The following MAPRE1 variants were observed in gnomAD, a reference collection of about 807,000 sequenced individuals.
The protein encoded by MAPRE1 is microtubule-associated protein RP/EB family member 1.
Under a neutral mutation model 32.1 loss-of-function variants are expected in MAPRE1, and 5 were observed. That is an observed-to-expected ratio of 0.16 (90% CI 0.08 to 0.33). MAPRE1 has a LOEUF of 0.33. Ranked by LOEUF, MAPRE1 falls within the 10% of genes least tolerant of loss-of-function variation. MAPRE1 has a pLI of 1.00. For synonymous variants in MAPRE1, 122 were observed against 118.9 expected (o/e 1.03, Z -0.17); for missense variants, 209 against 327.2 (o/e 0.64, Z 2.79).
At chr20:32,835,172 C>G (rs545798361) in intron 3 of MAPRE1, among the ~76,000 whole-genome samples, 4 of 152,216 alleles carry the variant, frequency 2.6e-5, no homozygotes, top group Admixed American at 2.0e-4. Flanking sequence ...CAGCAGTGAG[C>G]TATGATTGCA....
intron 5 of MAPRE1, among the ~76,000 whole-genome samples, chr20:32,841,310 G>A (rs1983353167): frequency 6.6e-6 from 1 of 152,156 alleles, no homozygotes; most frequent in African/African-American, 2.4e-5. Flanking sequence ...TCAAGACATG[G>A]ATTTCAAACA....
chr20:32,832,466 C>CTTT (rs34257028), intron 2 of MAPRE1, among the ~76,000 whole-genome samples: 3 of 130,668 alleles, frequency 2.3e-5, no homozygotes, highest in Non-Finnish European at 3.3e-5. Context: ...ACAGTAGTCT[C>CTTT]TTTTTTTTTT....
intron 2 of MAPRE1, among the ~76,000 whole-genome samples, chr20:32,831,947 C>CAAA (rs58685497): frequency 1.8e-5 from 2 of 111,606 alleles, no homozygotes; most frequent in African/African-American, 3.0e-5. Context: ...TCGTCCGTTT[C>CAAA]AAAAAAAAAA....
At chr20:32,827,330 C>T (rs774147109) in intron 2 of MAPRE1, among the ~76,000 whole-genome samples, 69 of 152,102 alleles carry the variant, frequency 4.5e-4, no homozygotes, top group Non-Finnish European at 8.1e-4. Flanking sequence ...AACGCTTGAG[C>T]CCGGGAGGTG....
intron 1 of MAPRE1, among the ~76,000 whole-genome samples, chr20:32,821,716 CCCCACTTTACATAGGGCTTATTG>C: frequency 6.6e-6 from 1 of 152,294 alleles, no homozygotes; most frequent in South Asian, 2.1e-4. Flanking sequence ...CACCTCCTTC[CCCCACTTTACATAGGGCTTATTG>C]TGGTGCCTTG....
Position 32,848,829 on chromosome 20 carries a change from C to A in MAPRE1, c.*101C>A. The A allele has an allele frequency of 9.9e-7, 1 of 1,006,760 alleles. No homozygotes were observed. 62.4% of individuals were successfully genotyped at this position (1,006,760 alleles called of 1,614,324 possible). ...TTATCCTTAGAGGACTCACTGGTTT[C>A]TTTTCATAAGCAAAAAGTACCTCTT... On this transcript the variant is annotated 3_prime_UTR_variant, in exon 7 of 7. Coordinates refer to ENST00000375571, the MANE Select transcript of MAPRE1 (RefSeq NM_012325.3).
At chr20:32,832,146 C>G (rs142166439) in intron 2 of MAPRE1, among the ~76,000 whole-genome samples, 1 of 152,256 alleles carries the variant, frequency 6.6e-6, no homozygotes, top group East Asian at 1.9e-4. Flanking sequence ...ATGCTGGAAC[C>G]AGCAGAGAAC....
At chr20:32,837,582 A>C (rs1177000258) in intron 4 of MAPRE1, among the ~76,000 whole-genome samples, 1 of 152,196 alleles carries the variant, frequency 6.6e-6, no homozygotes. Context: ...AATATTAGTT[A>C]AGGTTTCATA....
chr20:32,839,590 C>T (rs910460313), intron 4 of MAPRE1, 145 bp from the exon 5 acceptor site: 1 of 1,090,086 alleles, frequency 9.2e-7, no homozygotes, highest in Non-Finnish European at 1.3e-6. Context: ...CGTTGTCTTG[C>T]ATGCGGGGGC....
chr20:32,847,774 A>G (rs1421607155), intron 6 of MAPRE1, among the ~76,000 whole-genome samples: 1 of 152,210 alleles, frequency 6.6e-6, no homozygotes, highest in Non-Finnish European at 1.5e-5. Context: ...GCAGAATAGT[A>G]TAGTAATTTC....
rs1192205197 is a variant in MAPRE1, at chr20:32,836,701, A to G, written c.335A>G (p.Lys112Arg). ...AATTTTGAATTCGTTCAGTGGTTCA[A>G]GAAGTTTTTCGATGCAAACTATGAT... is the stretch of plus-strand genomic sequence containing the variant. ...QDNFEFVQWF[K>R]KFFDANYDGK... The change falls in exon 4 of 7, where the codon AAG becomes AGG. Residue 112 changes from lysine to arginine, a missense_variant. Lys to Arg is a conservative substitution (Grantham distance 26). Around this residue, in one of 3 missense-constraint regions of MAPRE1, gnomAD observed 67 missense variants for 140.0 expected, o/e 0.48. Transcript: ENST00000375571. 6.2e-7 allele frequency: 1 copy of G among 1,613,820 alleles called. No individual in the cohort carries two copies. The highest frequency in any genetic ancestry group is 2.2e-5 in the East Asian group (1 of 44,884).
chr20:32,828,022 G>T (rs546496110), intron 2 of MAPRE1, among the ~76,000 whole-genome samples: 3 of 149,096 alleles, frequency 2.0e-5, no homozygotes, highest in African/African-American at 7.5e-5. Context: ...GACTTGTCTT[G>T]TTATTTCCTT....
intron 1 of MAPRE1, among the ~76,000 whole-genome samples, chr20:32,823,769 G>T (rs1457511866): frequency 6.6e-6 from 1 of 152,178 alleles, no homozygotes; most frequent in African/African-American, 2.4e-5. Context: ...ACCATCTGTA[G>T]TCCCAGCTAC....
At chr20:32,847,643 T>C (rs1456855583) in intron 6 of MAPRE1, among the ~76,000 whole-genome samples, 4 of 152,226 alleles carry the variant, frequency 2.6e-5, no homozygotes, top group African/African-American at 7.2e-5. Context: ...AACGAAGATA[T>C]AGGGGGTCCT....
intron 5 of MAPRE1, chr20:32,843,098 C>G (rs1983408596): frequency 6.6e-6 from 1 of 152,068 alleles, no homozygotes; most frequent in South Asian, 2.1e-4. Flanking sequence ...TGGTTCAACC[C>G]TGACATAGAA....
intron 6 of MAPRE1, among the ~76,000 whole-genome samples, chr20:32,848,267 C>G (rs1411002473): frequency 1.3e-5 from 2 of 151,758 alleles, no homozygotes; most frequent in East Asian, 3.9e-4. Context: ...TGGTCTTGAA[C>G]TTCTGGGCTC....
intron 1 of MAPRE1, 77 bp from the exon 2 acceptor site, chr20:32,825,848 G>T: frequency 8.1e-7 from 1 of 1,229,558 alleles, no homozygotes; most frequent in South Asian, 2.0e-5. Context: ...TGCTTTTGGT[G>T]ACTCTCTAGG....
In MAPRE1 at chr20:32,839,800, C is replaced by T; in HGVS notation, c.541C>T (p.Arg181Ter). 1 of 1,614,140 alleles carries T rather than the reference C, an allele frequency of 6.2e-7. No individual in the cohort carries two copies. The highest frequency in any genetic ancestry group is 8.5e-7 in the Non-Finnish European group (1 of 1,180,022). Residue 181 changes from arginine to a stop codon, truncating the protein, a stop_gained, in exon 5 of 7, where the codon CGA (arginine) becomes TGA (stop). Coordinates refer to ENST00000375571, the MANE Select transcript of MAPRE1 (RefSeq NM_012325.3). LOFTEE classifies it high-confidence loss of function. ...TCCTAAGGCTGGCCCTGGTGTGGTGCGAAAGAACCCTGGTGTGGGCAACGG... is the reference window on the plus strand; with the variant it reads ...TCCTAAGGCTGGCCCTGGTGTGGTGTGAAAGAACCCTGGTGTGGGCAACGG... ...AAPKAGPGVV[R>*]KNPGVGNGDD...
At chr20:32,821,676 G>T (rs1982706736) in intron 1 of MAPRE1, among the ~76,000 whole-genome samples, 1 of 152,208 alleles carries the variant, frequency 6.6e-6, no homozygotes, top group African/African-American at 2.4e-5. Flanking sequence ...TAAGTGACTT[G>T]CCCACGGTCA....
Sources: gnomAD v4.1 joint callset for allele counts (sites outside exome capture counted in the v4.1 genomes callset) on GRCh38, gnomAD v4.1.1 for gene constraint, gnomAD v4.1.1 regional missense constraint, MANE v1.5 for transcripts, NCBI Gene and HGNC (gene_info 2026-07-23, HGNC 2026-07-21) for gene names.